The following MEF2A variants were observed in gnomAD, a reference collection of about 807,000 sequenced individuals.
MEF2A encodes the protein myocyte-specific enhancer factor 2A.
MEF2A carries 28 observed loss-of-function variants against 55.8 expected under a neutral mutation model. The ratio of observed to expected loss-of-function variants is 0.50; its 90% CI spans 0.37 to 0.69. The LOEUF is 0.69. Ranked by LOEUF, MEF2A falls within the 30% of genes least tolerant of loss-of-function variation. The pLI, the probability that MEF2A is intolerant of heterozygous loss-of-function variation, is 0.00. For synonymous variants in MEF2A, 239 were observed against 227.1 expected (o/e 1.05, Z -0.47); for missense variants, 528 against 626.2 (o/e 0.84, Z 1.67).
rs765267108 is a variant in MEF2A, at chr15:99,674,480, T to G, written c.478T>G (p.Ser160Ala). 4 of 1,614,012 alleles carry G rather than the reference T, an allele frequency of 2.5e-6. No individual in the cohort carries two copies. Residue 160 changes from serine to alanine, a missense_variant, in exon 6 of 12, where the codon TCA becomes GCA. By Grantham distance (99) the Ser-to-Ala change is moderately conservative. Around this residue, in one of 2 missense-constraint regions of MEF2A, gnomAD observed 450 missense variants for 475.3 expected, o/e 0.95. Transcript: ENST00000557942. ...TTTGTCCTACACTAACCCAGGGAGT[T>G]CACTGGTGTCCCCATCTTTGGCAGC... ...NALSYTNPGSSLVSPSLAASS... is the reference protein window; with the variant it reads ...NALSYTNPGSALVSPSLAASS...
intron 4 of MEF2A, among the ~76,000 whole-genome samples, chr15:99,649,498 GTTAT>G (rs2046498486): frequency 6.6e-6 from 1 of 152,058 alleles, no homozygotes; most frequent in Non-Finnish European, 1.5e-5. Flanking sequence ...ATCTTTTCAA[GTTAT>G]TAAGCATTGA....
chr15:99,617,248 CAT>C (rs1221129258), intron 2 of MEF2A, among the ~76,000 whole-genome samples: 1 of 135,758 alleles, frequency 7.4e-6, no homozygotes, highest in Non-Finnish European at 1.6e-5. Context: ...TTTTTAAGGC[CAT>C]ATATGTGTTT....
intron 4 of MEF2A, among the ~76,000 whole-genome samples, chr15:99,647,877 C>T (rs2046233407): frequency 6.6e-6 from 1 of 152,138 alleles, no homozygotes; most frequent in African/African-American, 2.4e-5. Flanking sequence ...TTAATTCACA[C>T]TTCTTGTATA....
chr15:99,584,534 A>G (rs1251664528), intron 1 of MEF2A, among the ~76,000 whole-genome samples: 1 of 151,772 alleles, frequency 6.6e-6, no homozygotes, highest in Admixed American at 6.6e-5. Flanking sequence ...GTGCTGCAAC[A>G]GGGATGAATC....
chr15:99,649,159 G>A (rs761630693), intron 4 of MEF2A, among the ~76,000 whole-genome samples: 1 of 151,696 alleles, frequency 6.6e-6, no homozygotes, highest in Non-Finnish European at 1.5e-5. Flanking sequence ...TTTTTAATTT[G>A]TACTTACATA....
intron 2 of MEF2A, among the ~76,000 whole-genome samples, chr15:99,630,022 C>T (rs2042699722): frequency 6.8e-6 from 1 of 147,774 alleles, no homozygotes; most frequent in East Asian, 2.1e-4. Context: ...TTCTCCCTCC[C>T]CTCTTTCTTT....
intron 2 of MEF2A, among the ~76,000 whole-genome samples, chr15:99,627,937 T>C (rs2042304112): frequency 6.6e-6 from 1 of 152,220 alleles, no homozygotes; most frequent in Non-Finnish European, 1.5e-5. Context: ...GGTAATTTAC[T>C]ATAAAAGGGG....
At chr15:99,680,258 A>G (rs1208294296) in intron 7 of MEF2A, among the ~76,000 whole-genome samples, 1 of 152,252 alleles carries the variant, frequency 6.6e-6, no homozygotes, top group Non-Finnish European at 1.5e-5. Context: ...ACCAAAATAC[A>G]CAATTCAAAA....
chr15:99,621,174 T>G (rs2041109445), intron 2 of MEF2A: 1 of 152,188 alleles, frequency 6.6e-6, no homozygotes, highest in Admixed American at 6.5e-5. Context: ...TACAGAATAT[T>G]TAATAACAAA....
At chr15:99,569,483 A>G (rs866573753) in intron 1 of MEF2A, among the ~76,000 whole-genome samples, 2 of 152,390 alleles carry the variant, frequency 1.3e-5, no homozygotes, top group Middle Eastern at 3.4e-3. Context: ...CAGATTATAC[A>G]TAAAACGCTT....
intron 4 of MEF2A, among the ~76,000 whole-genome samples, chr15:99,664,576 A>G (rs373096383): frequency 2.6e-5 from 4 of 152,164 alleles, no homozygotes; most frequent in African/African-American, 9.7e-5. Context: ...AAAAAGATAT[A>G]AGAGTCTAGA....
At chr15:99,590,649 A>G (rs1968949156) in intron 1 of MEF2A, among the ~76,000 whole-genome samples, 1 of 150,962 alleles carries the variant, frequency 6.6e-6, no homozygotes, top group Admixed American at 6.6e-5. Context: ...GATTAGTTTT[A>G]TTTTATGTAT....
chr15:99,593,724 CTGAT>C (rs1970155884), intron 1 of MEF2A, among the ~76,000 whole-genome samples: 1 of 152,096 alleles, frequency 6.6e-6, no homozygotes, highest in Admixed American at 6.6e-5. Context: ...AGTTTGAACA[CTGAT>C]TGAAGTCATT....
intron 5 of MEF2A, among the ~76,000 whole-genome samples, chr15:99,673,271 T>C (rs1290285773): frequency 2.0e-5 from 3 of 152,216 alleles, no homozygotes; most frequent in Admixed American, 1.3e-4. Context: ...AATACCATTA[T>C]TATTCTTAAA....
At chr15:99,593,160 C>A (rs528515802) in intron 1 of MEF2A, among the ~76,000 whole-genome samples, 44 of 152,282 alleles carry the variant, frequency 2.9e-4, no homozygotes, top group African/African-American at 1.0e-3. Context: ...CACTTTCTCT[C>A]CTGAGTACCA....
At chr15:99,659,486 A>T (rs2153561661) in intron 4 of MEF2A, among the ~76,000 whole-genome samples, 1 of 152,206 alleles carries the variant, frequency 6.6e-6, no homozygotes, top group Admixed American at 6.5e-5. Flanking sequence ...CACAGTAAAC[A>T]TTCTCTCTTC....
intron 2 of MEF2A, among the ~76,000 whole-genome samples, chr15:99,614,940 G>A (rs2039943536): frequency 6.6e-6 from 1 of 152,160 alleles, no homozygotes; most frequent in African/African-American, 2.4e-5. Context: ...GGATAAGGCA[G>A]AGCCTTACAG....
At chr15:99,570,652 T>G (rs981632920) in intron 1 of MEF2A, among the ~76,000 whole-genome samples, 3 of 152,140 alleles carry the variant, frequency 2.0e-5, no homozygotes, top group Admixed American at 2.0e-4. Flanking sequence ...TAAAAGAAAT[T>G]GTAACTTTTG....
At chr15:99,659,160 C>T (rs928490348) in intron 4 of MEF2A, among the ~76,000 whole-genome samples, 6 of 152,068 alleles carry the variant, frequency 3.9e-5, no homozygotes, top group African/African-American at 1.2e-4. Flanking sequence ...TATTCATTTA[C>T]GTGTGGAGAT....
Sources: allele counts gnomAD v4.1 joint callset (sites outside exome capture counted in the v4.1 genomes callset), GRCh38; gene constraint gnomAD v4.1.1; regional missense constraint gnomAD v4.1.1; transcripts MANE v1.5; gene names NCBI Gene and HGNC (gene_info 2026-07-23, HGNC 2026-07-21).